The following TRAPPC3 variants were observed in gnomAD, a reference collection of about 807,000 sequenced individuals.
The protein encoded by TRAPPC3 is trafficking protein particle complex subunit 3, also known as trafficking protein particle complex 3.
TRAPPC3 carries 5 observed loss-of-function variants against 18.2 expected under a neutral mutation model. The ratio of observed to expected loss-of-function variants is 0.28; its 90% confidence interval spans 0.14 to 0.58. TRAPPC3 has a LOEUF of 0.58. Among genes scored for constraint, TRAPPC3 ranks in the 20% least tolerant of loss-of-function variants. TRAPPC3 has a pLI of 0.91. For synonymous variants in TRAPPC3, 65 were observed against 84.2 expected (o/e 0.77, Z 1.25); for missense variants, 176 against 225.9 (o/e 0.78, Z 1.41).
At chr1:36,148,370 G>A (rs566160191) in intron 1 of TRAPPC3, among the ~76,000 whole-genome samples, 2 of 151,492 alleles carry the variant, frequency 1.3e-5, no homozygotes, top group African/African-American at 2.4e-5. Context: ...CGAGACAGGC[G>A]GATCACCTGA....
chr1:36,141,621 C>T (rs951796623), intron 1 of TRAPPC3, among the ~76,000 whole-genome samples: 2 of 152,194 alleles, frequency 1.3e-5, no homozygotes. Context: ...AGGAATTAAC[C>T]CCACTTTAGA....
At chr1:36,148,257 C>T (rs1489466638) in intron 1 of TRAPPC3, among the ~76,000 whole-genome samples, 1 of 152,126 alleles carries the variant, frequency 6.6e-6, no homozygotes, top group East Asian at 1.9e-4. Flanking sequence ...GCCACGAGTT[C>T]GAGACCAGGC....
At chr1:36,145,941 CTT>C (rs948922657) in intron 1 of TRAPPC3, among the ~76,000 whole-genome samples, 5 of 142,670 alleles carry the variant, frequency 3.5e-5, no homozygotes, top group Admixed American at 2.8e-4. Flanking sequence ...GCCCGGCTAA[CTT>C]TTTTTTTTGT....
upstream of TRAPPC3, among the ~76,000 whole-genome samples, chr1:36,150,672 A>G (rs973456224): frequency 3.3e-5 from 5 of 152,152 alleles, no homozygotes; most frequent in African/African-American, 1.2e-4. Context: ...AATCATTATT[A>G]TACCCTTTTC....
At chr1:36,154,936 C>T (rs1208745612) in intron 1 of TRAPPC3, among the ~76,000 whole-genome samples, 1 of 152,154 alleles carries the variant, frequency 6.6e-6, no homozygotes, top group Non-Finnish European at 1.5e-5. Context: ...TGTCCAAGCC[C>T]CCAGATACGC....
chr1:36,141,805 A>C (rs1050455543), intron 1 of TRAPPC3, among the ~76,000 whole-genome samples: 6 of 151,996 alleles, frequency 3.9e-5, no homozygotes, highest in African/African-American at 1.2e-4. Context: ...TAAAAATACA[A>C]AAATTAGCTG....
intron 1 of TRAPPC3, chr1:36,155,573 G>C (rs1440472292): frequency 6.5e-6 from 1 of 152,672 alleles, no homozygotes; most frequent in Admixed American, 6.5e-5. Context: ...GAGGAGCAGG[G>C]AAGACACAAG....
intron 1 of TRAPPC3, among the ~76,000 whole-genome samples, chr1:36,141,614 A>G (rs1570090010): frequency 6.6e-6 from 1 of 152,176 alleles, no homozygotes; most frequent in Non-Finnish European, 1.5e-5. Context: ...GAAAGGCAGG[A>G]ATTAACCCCA....
At chr1:36,141,987 C>T (rs1311091164) in intron 1 of TRAPPC3, among the ~76,000 whole-genome samples, 4 of 136,054 alleles carry the variant, frequency 2.9e-5, no homozygotes, top group African/African-American at 8.2e-5. Context: ...AAAAAAAGAA[C>T]GTGCCCAAGG....
chr1:36,155,881 A>G lies in TRAPPC3; in HGVS notation c.-97+2T>C, dbSNP rs1339464961. On this transcript the variant is annotated splice_donor_variant, in intron 1 of 4. Transcript: ENST00000617904. LOFTEE classifies it low-confidence loss of function (5UTR_SPLICE). ...CGGGTGAGTCACCCGAGCGCTCCCT[A>G]CTTAGTCCTCAGGCGCTGCGGCGCG... 6.6e-6 allele frequency: 1 copy of G among 152,138 alleles called. No individual in the cohort carries two copies. The highest frequency in any genetic ancestry group is 2.4e-5 in the African/African-American group (1 of 41,386). 9.4% of individuals were successfully genotyped at this position (152,138 alleles called of 1,614,324 possible).
chr1:36,138,332 A>G, intron 3 of TRAPPC3: 1 of 1,401,186 alleles, frequency 7.1e-7, no homozygotes, highest in Non-Finnish European at 9.7e-7. Context: ...GCCTGAGTGC[A>G]GAGGCCCTAA....
chr1:36,137,202 GT>G lies in TRAPPC3; in HGVS notation c.543del (p.Ter181TyrfsTer32). 2 of 1,608,374 alleles carry G rather than the reference GT, an allele frequency of 1.2e-6. No homozygotes were observed. The highest frequency in any genetic ancestry group is 1.7e-6 in the Non-Finnish European group (2 of 1,175,148). ...IEDNLPAGEE[*>X] ...TGGCTATCCTCGAGTTGTAGGGATG[GT>G]TATTCCTCTCCAGCTGGAAGATTGT... On this transcript the variant is annotated frameshift_variant and stop_lost, in exon 5 of 5. Transcript: ENST00000373166. LOFTEE classifies it high-confidence loss of function.
chr1:36,140,167 C>A lies in TRAPPC3; in HGVS notation c.43-1G>T. The A allele has an allele frequency of 6.4e-7, 1 of 1,572,490 alleles. No individual in the cohort carries two copies. On this transcript the variant is annotated splice_acceptor_variant, in intron 1 of 4. Coordinates refer to ENST00000373166, the MANE Select transcript of TRAPPC3 (RefSeq NM_014408.5). LOFTEE classifies it high-confidence loss of function. ...AGGTCAGGGTGAAGAGCTCAGAGCT[C>A]TAAAAGAGATTCAAAAGGCAGTCAG...
In TRAPPC3 at chr1:36,139,763, C is replaced by T; in HGVS notation, c.197G>A (p.Gly66Glu). 3 of 1,614,094 alleles carry T rather than the reference C, an allele frequency of 1.9e-6. No individual in the cohort carries two copies. The highest frequency in any genetic ancestry group is 2.2e-5 in the South Asian group (2 of 91,084). The change falls in exon 3 of 5, where the codon GGG becomes GAG. Residue 66 changes from glycine to glutamate, a missense_variant. By Grantham distance (98) the Gly-to-Glu change is moderately conservative. This residue lies in a region of TRAPPC3 where 147 missense variants were observed against 164.3 expected (regional missense o/e 0.89). Transcript: ENST00000373166. ...IEDFLARSNV[G>E]RCHDFRETAD... ...AGTTTCCCGAAAGTCATGGCACCTC[C>T]CAACATTTGACCGAGCCAAGAAATC...
chr1:36,151,444 A>AT (rs1380448519), upstream of TRAPPC3, among the ~76,000 whole-genome samples: 4 of 151,520 alleles, frequency 2.6e-5, no homozygotes, highest in African/African-American at 9.8e-5. Context: ...ATAAATAAAA[A>AT]TTAAAAAAAA....
chr1:36,151,795 T>G (rs1644273152), upstream of TRAPPC3, among the ~76,000 whole-genome samples: 1 of 152,146 alleles, frequency 6.6e-6, no homozygotes, highest in Admixed American at 6.5e-5. Context: ...AGGGATAGCT[T>G]TCTGTTCCTA....
At chr1:36,139,916 C>G in intron 2 of TRAPPC3, 97 bp from the exon 3 acceptor site, 1 of 1,537,568 alleles carries the variant, frequency 6.5e-7, no homozygotes, top group African/African-American at 1.4e-5. Context: ...GGGATAATCT[C>G]AAAAACATCC....
chr1:36,148,498 G>A (rs537316776), intron 1 of TRAPPC3, among the ~76,000 whole-genome samples: 35 of 151,992 alleles, frequency 2.3e-4, no homozygotes, highest in Non-Finnish European at 4.0e-4. Flanking sequence ...GGGAGGCTGA[G>A]GCAGAAGAAC....
rs1426549577 is a variant in TRAPPC3 at position 36,139,757 on chromosome 1, C to T, written c.203G>A (p.Cys68Tyr). Residue 68 changes from cysteine (C) to tyrosine (Y), a missense_variant, in exon 3 of 5, where the codon TGC becomes TAC. By Grantham distance (194) the Cys-to-Tyr change is radical (BLOSUM62 -2). Around this residue, in one of 2 missense-constraint regions of TRAPPC3, gnomAD observed 147 missense variants for 164.3 expected, o/e 0.89. Transcript: ENST00000373166. ...ATCCGCAGTTTCCCGAAAGTCATGG[C>T]ACCTCCCAACATTTGACCGAGCCAA... ...DFLARSNVGRCHDFRETADVI... is the reference protein window; with the variant it reads ...DFLARSNVGRYHDFRETADVI... 3 of 1,614,156 alleles carry T rather than the reference C, an allele frequency of 1.9e-6. No individual in the cohort carries two copies. Among genetic ancestry groups the T allele is most frequent in the Non-Finnish European group, 8.5e-7 (1 of 1,180,028 alleles).
Sources: gnomAD v4.1 joint callset for allele counts (sites outside exome capture counted in the v4.1 genomes callset) on GRCh38, gnomAD v4.1.1 for gene constraint, gnomAD v4.1.1 regional missense constraint, MANE v1.5 for transcripts, NCBI Gene and HGNC (gene_info 2026-07-23, HGNC 2026-07-21) for gene names.